Variants in ENOX1 observed in about 807,000 individuals in gnomAD.
ENOX1 encodes the protein ecto-NOX disulfide-thiol exchanger 1.
ENOX1 carries 42 observed loss-of-function variants against 82.5 expected under a neutral mutation model. That is an observed-to-expected ratio of 0.51 (90% CI 0.40 to 0.66). The LOEUF is 0.66. Ranked by LOEUF, ENOX1 falls within the 30% of genes least tolerant of loss-of-function variation. ENOX1 has a pLI of 0.00. For synonymous variants in ENOX1, 271 were observed against 282.2 expected, an observed-to-expected ratio of 0.96 and a Z score of 0.40; for missense variants, 608 against 811.6, an observed-to-expected ratio of 0.75 and a Z score of 3.05.
intron 5 of ENOX1, among the ~76,000 whole-genome samples, chr13:43,383,782 T>G (rs1262497425): frequency 6.6e-6 from 1 of 152,204 alleles, no homozygotes; most frequent in African/African-American, 2.4e-5. Flanking sequence ...TTGAAAGAAA[T>G]ACAAAGCCAG....
chr13:43,499,229 G>T (rs575496958), intron 2 of ENOX1, among the ~76,000 whole-genome samples: 78 of 151,888 alleles, frequency 5.1e-4, no homozygotes, highest in African/African-American at 1.8e-3. Flanking sequence ...GATCTCTGTG[G>T]TATCCTAGAC....
intron 2 of ENOX1, among the ~76,000 whole-genome samples, chr13:43,575,495 G>C (rs545654388): frequency 2.0e-5 from 3 of 152,260 alleles, no homozygotes; most frequent in Non-Finnish European, 4.4e-5. Context: ...TGACACAGAA[G>C]ATTTCCATAG....
In ENOX1 at chr13:43,630,927, G is replaced by T. The variant is rs558624393; in HGVS notation, c.-219+36552C>A. Among the ~76,000 whole-genome samples, 807 of 128,994 alleles carry T rather than the reference G, an allele frequency of 6.3e-3. 7 individuals are homozygous for T. Among genetic ancestry groups the T allele is most frequent in the African/African-American group, 0.019 (749 of 39,846 alleles). The allele number at this position is 128,994 out of a possible 152,430, so 84.6% of individuals were successfully genotyped here. The stretch of plus-strand genomic sequence containing the variant: ...TACATACGTGTGCGTATATGTGTGT[G>T]TGTGTTTGTGTGTGTGTGTGTGTAT... On this transcript the variant is annotated intron_variant, in intron 2 of 16. Coordinates refer to ENST00000690772, the MANE Select transcript of ENOX1 (RefSeq NM_001347969.2).
intron 1 of ENOX1, among the ~76,000 whole-genome samples, chr13:43,754,090 G>GTATATAAATACACATATATATACA (rs1950490752): frequency 1.7e-4 from 2 of 11,876 alleles, no homozygotes; most frequent in African/African-American, 2.5e-4. Flanking sequence ...ACATATATAC[G>GTATATAAATACACATATATATACA]TATATATGTA....
At chr13:43,253,774 CTGCTG>C (rs1566345742) in intron 14 of ENOX1, among the ~76,000 whole-genome samples, 1 of 137,640 alleles carries the variant, frequency 7.3e-6, no homozygotes, top group Non-Finnish European at 1.6e-5. Flanking sequence ...GTCCCCTCCC[CTGCTG>C]CCTTCATGAG....
intron 5 of ENOX1, chr13:43,394,392 T>C (rs2053002103): frequency 6.6e-6 from 1 of 152,144 alleles, no homozygotes. Flanking sequence ...CTGGAGTATT[T>C]CTCTCAAATC....
intron 2 of ENOX1, among the ~76,000 whole-genome samples, chr13:43,589,567 A>G (rs1002107771): frequency 1.3e-5 from 2 of 152,150 alleles, no homozygotes; most frequent in Admixed American, 6.5e-5. Flanking sequence ...TTGCAATGAC[A>G]CAATCATAGC....
At chr13:43,516,033 T>C (rs1480907575) in intron 2 of ENOX1, among the ~76,000 whole-genome samples, 1 of 152,190 alleles carries the variant, frequency 6.6e-6, no homozygotes, top group Non-Finnish European at 1.5e-5. Flanking sequence ...AAACTAGAAC[T>C]TCCTAAGGGT....
chr13:43,298,126 A>T (rs906156698), intron 12 of ENOX1, among the ~76,000 whole-genome samples: 2 of 151,768 alleles, frequency 1.3e-5, no homozygotes, highest in African/African-American at 4.8e-5. Context: ...TTTATTTCCT[A>T]CCTCCAGGGT....
Position 43,458,153 on chromosome 13 carries a change from A to T in ENOX1, c.-75+25856T>A, listed in dbSNP as rs570638915. ...CTATGTTGTCAACAACATCACTTCC[A>T]ATGTAGCCATCATCATATCTTTGAG... is the stretch of plus-strand genomic sequence containing the variant. On this transcript the variant is annotated intron_variant, in intron 3 of 16. Transcript: ENST00000690772. Among the ~76,000 whole-genome samples the T allele has an allele frequency of 2.6e-5, 4 of 152,340 alleles. No individual in the cohort carries two copies. The East Asian group carries it at 7.7e-4, about 29-fold the overall frequency.
At chr13:43,401,932 AAAG>A (rs2153590629) in intron 5 of ENOX1, among the ~76,000 whole-genome samples, 1 of 151,692 alleles carries the variant, frequency 6.6e-6, no homozygotes, top group Non-Finnish European at 1.5e-5. Context: ...AAAATATTTT[AAAG>A]AAGACAAAAA....
intron 3 of ENOX1, among the ~76,000 whole-genome samples, chr13:43,477,386 A>G (rs943725703): frequency 6.6e-6 from 1 of 152,078 alleles, no homozygotes; most frequent in Non-Finnish European, 1.5e-5. Flanking sequence ...ATAAAAATTA[A>G]CATTTTTTTG....
intron 13 of ENOX1, among the ~76,000 whole-genome samples, chr13:43,267,282 A>G (rs1410606904): frequency 6.6e-6 from 1 of 152,224 alleles, no homozygotes; most frequent in African/African-American, 2.4e-5. Context: ...CTCCAGAGGT[A>G]GGAAGCTATC....
chr13:43,351,224 C>A (rs1219279513), intron 8 of ENOX1, among the ~76,000 whole-genome samples: 1 of 152,132 alleles, frequency 6.6e-6, no homozygotes, highest in Non-Finnish European at 1.5e-5. Flanking sequence ...ATCAACTAAC[C>A]AGATCACAGA....
chr13:43,437,065 C>T (rs764885492), intron 3 of ENOX1, among the ~76,000 whole-genome samples: 14 of 151,950 alleles, frequency 9.2e-5, no homozygotes, highest in Non-Finnish European at 1.9e-4. Flanking sequence ...TGGGATCGAA[C>T]ATTTTGAAAA....
chr13:43,588,355 C>G (rs538639350), intron 2 of ENOX1, among the ~76,000 whole-genome samples: 1 of 152,178 alleles, frequency 6.6e-6, no homozygotes, highest in Non-Finnish European at 1.5e-5. Context: ...AGTCACATTA[C>G]TCTTTAAGAT....
At chr13:43,599,981 G>A (rs1051640285) in intron 2 of ENOX1, among the ~76,000 whole-genome samples, 1 of 151,842 alleles carries the variant, frequency 6.6e-6, no homozygotes. Context: ...ATCACATGCT[G>A]ACTAAAGAGC....
At chr13:43,657,732 A>C (rs2084511744) in intron 2 of ENOX1, among the ~76,000 whole-genome samples, 1 of 152,248 alleles carries the variant, frequency 6.6e-6, no homozygotes, top group African/African-American at 2.4e-5. Flanking sequence ...CTGTCTATAC[A>C]TACCAGACAT....
rs561089660 is a variant in ENOX1, at chr13:43,294,385, A to G, written c.1446+3961T>C. Among the ~76,000 whole-genome samples the G allele has an allele frequency of 4.4e-4, 67 of 152,340 alleles. No individual in the cohort carries two copies. In the South Asian group the frequency reaches 0.013, roughly 31 times the overall value. ...CATGTTGACCTATCCTCATGAATGA[A>G]AATAAAAATACTGCAAATTTGTGTG... On this transcript the variant is annotated intron_variant, in intron 12 of 16. Coordinates refer to ENST00000690772, the MANE Select transcript of ENOX1 (RefSeq NM_001347969.2).
Sources: allele counts gnomAD v4.1 joint callset (sites outside exome capture counted in the v4.1 genomes callset), GRCh38; gene constraint gnomAD v4.1.1; transcripts MANE v1.5; gene names NCBI Gene and HGNC (gene_info 2026-07-23, HGNC 2026-07-21).